Variants in RBM18 observed in about 807,000 individuals in gnomAD.
The protein encoded by RBM18 is probable RNA-binding protein 18.
In RBM18, 18 loss-of-function variants were observed where a neutral mutation model predicts 26.4. That is an observed-to-expected ratio of 0.68 (90% CI 0.47 to 1.01). RBM18 has a LOEUF of 1.01. Ranked by LOEUF, RBM18 falls within the 50% of genes least tolerant of loss-of-function variation. The pLI is 0.00. For missense variants in RBM18, 180 were observed against 219.2 expected (o/e 0.82, Z 1.13); for synonymous variants, 74 against 81.1 (o/e 0.91, Z 0.47).
intron 4 of RBM18, among the ~76,000 whole-genome samples, chr9:122,246,655 A>G (rs1028571755): frequency 3.9e-5 from 6 of 152,200 alleles, no homozygotes; most frequent in African/African-American, 1.4e-4. Flanking sequence ...TTCAGCTTGG[A>G]CATTGAGCTT....
chr9:122,264,423 C>T (rs1054555947), intron 1 of RBM18, among the ~76,000 whole-genome samples: 9 of 152,218 alleles, frequency 5.9e-5, no homozygotes. Flanking sequence ...TCCAGCTGAG[C>T]TGCAATAACT....
intron 2 of RBM18, among the ~76,000 whole-genome samples, chr9:122,254,568 G>A (rs1371906374): frequency 6.6e-6 from 1 of 152,120 alleles, no homozygotes; most frequent in Non-Finnish European, 1.5e-5. Context: ...TTCAGGAGCT[G>A]GAAAATTAGC....
Position 122,238,271 on chromosome 9 carries a change from T to C in RBM18, c.*3613A>G, listed in dbSNP as rs772979477. ...GCCATTGTTTTAAATGCTGAGGGTATAGCAGTGATATACAGTTCCTGCTTA... is the reference window on the plus strand; with the variant it reads ...GCCATTGTTTTAAATGCTGAGGGTACAGCAGTGATATACAGTTCCTGCTTA... On this transcript the variant is annotated 3_prime_UTR_variant, in exon 6 of 6. Coordinates refer to ENST00000417201, the MANE Select transcript of RBM18 (RefSeq NM_033117.4). The C allele has an allele frequency of 6.6e-6, 1 of 152,256 alleles. No homozygotes were observed. Among genetic ancestry groups the C allele is most frequent in the Non-Finnish European group, 1.5e-5 (1 of 68,052 alleles). 9.4% of individuals were successfully genotyped at this position (152,256 alleles called of 1,614,324 possible). A position where few individuals can be genotyped will look rare whatever the true frequency, so the allele number is the denominator to read the frequency against.
intron 2 of RBM18, among the ~76,000 whole-genome samples, chr9:122,257,989 A>G (rs2118972647): frequency 6.6e-6 from 1 of 152,350 alleles, no homozygotes; most frequent in Non-Finnish European, 1.5e-5. Context: ...AGATTGCACC[A>G]CAAGACAGGT....
intron 2 of RBM18, among the ~76,000 whole-genome samples, chr9:122,253,706 G>C (rs1317031346): frequency 6.7e-6 from 1 of 149,100 alleles, no homozygotes; most frequent in African/African-American, 2.5e-5. Flanking sequence ...AGAATGGGGA[G>C]TCAAACCTAT....
intron 4 of RBM18, among the ~76,000 whole-genome samples, chr9:122,246,585 G>A (rs545529226): frequency 2.8e-4 from 42 of 152,324 alleles, no homozygotes; most frequent in African/African-American, 9.4e-4. Flanking sequence ...CCTAGAAATT[G>A]AGAAGGCTCT....
intron 2 of RBM18, among the ~76,000 whole-genome samples, chr9:122,252,412 T>C (rs200632964): frequency 1.9e-5 from 2 of 105,954 alleles, no homozygotes; most frequent in Admixed American, 1.9e-4. Flanking sequence ...AAAAATAAAG[T>C]AACAAACATA....
chr9:122,261,505 A>T lies in RBM18; in HGVS notation c.-13T>A, dbSNP rs1414193192. 1 of 1,565,712 alleles carries T rather than the reference A, an allele frequency of 6.4e-7. No individual in the cohort carries two copies. The highest frequency in any genetic ancestry group is 8.8e-7 in the Non-Finnish European group (1 of 1,135,700). ...TTTCTGCTTCCATCAATGTCTATGA[A>T]ATACTAAAGGAAATGTGAACATTCA... On this transcript the variant is annotated 5_prime_UTR_variant, in exon 2 of 6. Coordinates refer to ENST00000417201, the MANE Select transcript of RBM18 (RefSeq NM_033117.4).
chr9:122,261,843 A>G (rs1439328477), intron 1 of RBM18, among the ~76,000 whole-genome samples: 2 of 152,266 alleles, frequency 1.3e-5, no homozygotes, highest in African/African-American at 2.4e-5. Flanking sequence ...GTCACCCAAA[A>G]TAAGCCTTGG....
At chr9:122,253,252 C>G (rs942743738) in intron 2 of RBM18, among the ~76,000 whole-genome samples, 1 of 152,088 alleles carries the variant, frequency 6.6e-6, no homozygotes, top group Non-Finnish European at 1.5e-5. Context: ...ATGAAATGGA[C>G]CATACACTAT....
At chr9:122,247,989 T>G (rs1732237966) in intron 3 of RBM18, among the ~76,000 whole-genome samples, 1 of 152,210 alleles carries the variant, frequency 6.6e-6, no homozygotes, top group Non-Finnish European at 1.5e-5. Context: ...GGTTTCACCA[T>G]GTTGGCCAGG....
intron 2 of RBM18, among the ~76,000 whole-genome samples, chr9:122,252,684 A>G (rs73555203): frequency 0.038 from 5,761 of 152,290 alleles, 370 homozygotes; most frequent in African/African-American, 0.13. Context: ...TCACCCAGCT[A>G]TGGGTAACTA....
intron 1 of RBM18, chr9:122,264,471 C>G (rs1340457743): frequency 1.3e-5 from 2 of 152,232 alleles, no homozygotes; most frequent in Admixed American, 6.5e-5. Context: ...AAAGTGCAAT[C>G]CAGAGAAGAA....
In RBM18 at chr9:122,252,085, C is replaced by A; in HGVS notation, c.114-112G>T. On this transcript the variant is annotated intron_variant, in intron 2 of 5. Transcript: ENST00000417201. ...TTACCCCAGGGATGAAATCTCTCGC[C>A]CCAGCCCCCTGCCTTCCTCTAAACT... 8 of 1,400,334 alleles carry A rather than the reference C, an allele frequency of 5.7e-6. No individual in the cohort carries two copies. In the South Asian group the frequency reaches 1.1e-4, roughly 19 times the overall value. 86.7% of individuals were successfully genotyped at this position (1,400,334 alleles called of 1,614,324 possible). A position where few individuals can be genotyped will look rare whatever the true frequency, so the allele number is the denominator to read the frequency against.
At chr9:122,261,353 T>TA (rs778837222) in intron 2 of RBM18, 27 bp downstream of exon 2, 1 of 1,513,402 alleles carries the variant, frequency 6.6e-7, no homozygotes, top group African/African-American at 1.4e-5. Flanking sequence ...ATATTGTAGG[T>TA]AAAAAACTAA....
At position 122,239,759 on chromosome 9, in the gene RBM18, T is replaced by C. The variant is rs1209224811; in HGVS notation, c.*2125A>G. On this transcript the variant is annotated 3_prime_UTR_variant, in exon 6 of 6. Coordinates refer to ENST00000417201, the MANE Select transcript of RBM18 (RefSeq NM_033117.4). ...CAGAGATTTCCATTAACAACTTCTT[T>C]TCAAATAGTGACATTTGCAATGGAA... The C allele has an allele frequency of 2.0e-5, 3 of 152,246 alleles. No individual in the cohort carries two copies. Among genetic ancestry groups the C allele is most frequent in the African/African-American group, 7.2e-5 (3 of 41,466 alleles). The allele number at this position is 152,246 out of a possible 1,614,324, so 9.4% of individuals were successfully genotyped here.
intron 4 of RBM18, 110 bp from the exon 5 acceptor site, chr9:122,245,451 G>C (rs1025008890): frequency 3.2e-6 from 2 of 616,824 alleles, no homozygotes; most frequent in East Asian, 5.7e-5. Context: ...CTTACTTCTA[G>C]ACAATTTTAG....
intron 1 of RBM18, among the ~76,000 whole-genome samples, chr9:122,262,815 C>T (rs181047032): frequency 2.0e-5 from 3 of 152,218 alleles, no homozygotes; most frequent in Non-Finnish European, 4.4e-5. Context: ...CAACTCCTGA[C>T]CCCAAGTGAT....
chr9:122,259,945 C>T (rs1186614705), intron 2 of RBM18, among the ~76,000 whole-genome samples: 1 of 152,086 alleles, frequency 6.6e-6, no homozygotes, highest in Non-Finnish European at 1.5e-5. Flanking sequence ...TCGCCTGCCT[C>T]GTCCTCCCAA....
Sources: gnomAD v4.1 joint callset for allele counts (sites outside exome capture counted in the v4.1 genomes callset) on GRCh38, gnomAD v4.1.1 for gene constraint, MANE v1.5 for transcripts, NCBI Gene and HGNC (gene_info 2026-07-23, HGNC 2026-07-21) for gene names.